FRMPD4: variants seen among roughly 807,000 people sequenced by gnomAD.
FRMPD4 encodes the protein FERM and PDZ domain containing 4, also known as FERM and PDZ domain-containing protein 4.
Under a neutral mutation model 94.1 loss-of-function variants are expected in FRMPD4, and 22 were observed. The ratio of observed to expected loss-of-function variants is 0.23; its 90% CI spans 0.17 to 0.33. FRMPD4 has a LOEUF of 0.33. FRMPD4 is among the 10% of genes least tolerant of loss of function. The probability of loss-of-function intolerance (pLI) is 1.00; values close to 1 mark genes in which losing one functional copy is unlikely to be tolerated. For synonymous variants in FRMPD4, 631 were observed against 548.6 expected (o/e 1.15, Z -2.10); for missense variants, 1,111 against 1,339.9 (o/e 0.83, Z 2.67).
intron 1 of FRMPD4, among the ~76,000 whole-genome samples, chrX:12,241,559 C>A (rs1388691163): frequency 1.8e-5 from 2 of 111,485 alleles, no homozygotes; most frequent in Admixed American, 1.9e-4. Context: ...TGTCAGACAT[C>A]TTGGGGTAGA....
At chrX:11,955,657 G>T (rs372791497) in intron 3 of FRMPD4, among the ~76,000 whole-genome samples, 34 of 107,443 alleles carry the variant, frequency 3.2e-4, no homozygotes, top group Non-Finnish European at 5.8e-4. Context: ...CAGGAGAATG[G>T]CGTGAACCCA....
intron 3 of FRMPD4, among the ~76,000 whole-genome samples, chrX:11,895,312 C>A (rs1258572667): frequency 9.0e-6 from 1 of 111,352 alleles, no homozygotes; most frequent in East Asian, 2.8e-4. Flanking sequence ...GCAAAATATG[C>A]CCTGAGGGAC....
chrX:11,833,935 A>T (rs2053488459), intron 1 of FRMPD4, among the ~76,000 whole-genome samples: 1 of 111,662 alleles, frequency 9.0e-6, no homozygotes, highest in African/African-American at 3.3e-5. Flanking sequence ...GCTGTGACAG[A>T]TATATGAGCT....
intron 1 of FRMPD4, among the ~76,000 whole-genome samples, chrX:12,422,817 T>C (rs1451532978): frequency 8.9e-6 from 1 of 112,427 alleles, no homozygotes; most frequent in Non-Finnish European, 1.9e-5. Flanking sequence ...GCCAAGAGAC[T>C]TGAACAACAC....
chrX:12,428,177 T>C (rs1386534403), intron 1 of FRMPD4, among the ~76,000 whole-genome samples: 1 of 110,735 alleles, frequency 9.0e-6, no homozygotes, highest in African/African-American at 3.3e-5. Context: ...TCCCCATTTT[T>C]CCATTTTAAT....
At chrX:12,066,871 G>GCT (rs1555920311) in intron 3 of FRMPD4, among the ~76,000 whole-genome samples, 1 of 100,073 alleles carries the variant, frequency 1.0e-5, no homozygotes, top group African/African-American at 3.6e-5. Flanking sequence ...TTTTGTTTTT[G>GCT]TTTTTGTTTT....
chrX:11,951,120 G>C (rs1177772360), intron 3 of FRMPD4, among the ~76,000 whole-genome samples: 4 of 93,665 alleles, frequency 4.3e-5, no homozygotes, highest in Non-Finnish European at 6.5e-5. Context: ...TCAGAGAAAA[G>C]AAAATGCTTA....
At chrX:12,409,188 C>T (rs1039769943) in intron 1 of FRMPD4, among the ~76,000 whole-genome samples, 1 of 111,896 alleles carries the variant, frequency 8.9e-6, no homozygotes, top group Non-Finnish European at 1.9e-5. Flanking sequence ...GATTTCAATA[C>T]AGCACCTTTT....
chrX:12,002,026 T>C (rs5935219), intron 3 of FRMPD4, among the ~76,000 whole-genome samples: 9,927 of 111,393 alleles, frequency 0.089, 369 homozygotes, highest in East Asian at 0.24. Context: ...GAGCATTCAT[T>C]GACACACAAA....
chrX:12,458,613 G>A (rs145905572), intron 1 of FRMPD4, among the ~76,000 whole-genome samples: 39 of 111,782 alleles, frequency 3.5e-4, no homozygotes, highest in African/African-American at 1.2e-3. Flanking sequence ...TCCACAGCAT[G>A]GTGATCTCAG....
chrX:12,446,570 T>C (rs1601951412), intron 1 of FRMPD4, among the ~76,000 whole-genome samples: 1 of 108,867 alleles, frequency 9.2e-6, no homozygotes, highest in East Asian at 2.9e-4. Context: ...ATCATGGGGG[T>C]GGTTCTCCTA....
chrX:12,059,566 C>T (rs1347026013), intron 3 of FRMPD4, among the ~76,000 whole-genome samples: 2 of 110,298 alleles, frequency 1.8e-5, no homozygotes, highest in Non-Finnish European at 3.8e-5. Context: ...ATCCTGTCAC[C>T]CAGGTACTGA....
chrX:11,862,768 G>C (rs2053694470), intron 1 of FRMPD4, among the ~76,000 whole-genome samples: 1 of 110,805 alleles, frequency 9.0e-6, no homozygotes, highest in South Asian at 3.9e-4. Context: ...GTCATACTGA[G>C]TCTGTCAGTT....
chrX:12,567,341 C>T (rs938698611), intron 2 of FRMPD4, among the ~76,000 whole-genome samples: 1 of 111,928 alleles, frequency 8.9e-6, no homozygotes, highest in Non-Finnish European at 1.9e-5. Context: ...TATCTGTGTC[C>T]CTTTGTGATG....
At chrX:11,875,116 A>G (rs1206986002) in intron 2 of FRMPD4, among the ~76,000 whole-genome samples, 1 of 112,732 alleles carries the variant, frequency 8.9e-6, no homozygotes, top group Non-Finnish European at 1.9e-5. Context: ...GCCAGTCAAA[A>G]AAGCTCATAT....
At chrX:11,895,063 A>C in intron 3 of FRMPD4, among the ~76,000 whole-genome samples, 1 of 111,995 alleles carries the variant, frequency 8.9e-6, no homozygotes, top group South Asian at 3.7e-4. Context: ...AGGACCAGAA[A>C]ATATCCCAGA....
At chrX:12,225,068 T>TATATGAA (rs747047828) in intron 1 of FRMPD4, among the ~76,000 whole-genome samples, 4 of 111,791 alleles carry the variant, frequency 3.6e-5, no homozygotes, top group Non-Finnish European at 7.5e-5. Context: ...AAAGATCCTA[T>TATATGAA]ATATGAAATA....
At chrX:12,469,541 G>A (rs1426049268) in intron 1 of FRMPD4, among the ~76,000 whole-genome samples, 1 of 111,732 alleles carries the variant, frequency 8.9e-6, no homozygotes, top group Non-Finnish European at 1.9e-5. Flanking sequence ...ATGAGTCACC[G>A]TGCCCGGCCT....
At chrX:12,056,404 G>T (rs934843282) in intron 3 of FRMPD4, among the ~76,000 whole-genome samples, 1 of 111,920 alleles carries the variant, frequency 8.9e-6, no homozygotes, top group Non-Finnish European at 1.9e-5. Flanking sequence ...GTCAAACAAG[G>T]TAGGTCAGAT....
Sources: allele counts gnomAD v4.1 joint callset (sites outside exome capture counted in the v4.1 genomes callset), GRCh38; gene constraint gnomAD v4.1.1; transcripts MANE v1.5; gene names NCBI Gene and HGNC (gene_info 2026-07-23, HGNC 2026-07-21).